The following PKP2 variants were observed in gnomAD, a reference collection of about 807,000 sequenced individuals.
PKP2 encodes the protein plakophilin-2.
A neutral mutation model predicts 83.4 loss-of-function variants in PKP2; 73 were observed. That is an observed-to-expected ratio of 0.88 (90% CI 0.72 to 1.06). The LOEUF is 1.06. PKP2 is among the 50% of genes least tolerant of loss of function. PKP2 has a pLI of 0.00. For synonymous variants in PKP2, 409 were observed against 430.4 expected, an observed-to-expected ratio of 0.95 and a Z score of 0.62; for missense variants, 966 against 1,065.4, an observed-to-expected ratio of 0.91 and a Z score of 1.30.
intron 9 of PKP2, among the ~76,000 whole-genome samples, chr12:32,807,760 A>T (rs1956239804): frequency 6.6e-6 from 1 of 152,166 alleles, no homozygotes. Context: ...TTGTCTGAAA[A>T]GGATCTTATT....
intron 11 of PKP2, among the ~76,000 whole-genome samples, chr12:32,794,398 C>T (rs573761795): frequency 2.3e-4 from 35 of 152,148 alleles, no homozygotes; most frequent in Non-Finnish European, 4.1e-4. Flanking sequence ...AGTCCACAAA[C>T]GGTAGGTCAG....
At chr12:32,795,000 A>C (rs1033362930) in intron 11 of PKP2, among the ~76,000 whole-genome samples, 3 of 152,236 alleles carry the variant, frequency 2.0e-5, no homozygotes, top group African/African-American at 7.2e-5. Context: ...AACTCATTAA[A>C]ACTAGGCTAT....
rs368870309 is a variant in PKP2, at chr12:32,868,481, TGCTGGGATTACA to T, written c.1170+434_1170+445del. Among the ~76,000 whole-genome samples, 203 of 152,214 alleles carry T rather than the reference TGCTGGGATTACA, an allele frequency of 1.3e-3. 1 individual carries two copies. Among genetic ancestry groups the T allele is most frequent in the African/African-American group, 4.5e-3 (185 of 41,544 alleles). On this transcript the variant is annotated intron_variant, in intron 4 of 12. Coordinates refer to ENST00000340811, the MANE Select transcript of PKP2 (RefSeq NM_001005242.3). ...ATCTGCCCACCTTGGCCTCCCAAAG[TGCTGGGATTACA>T]GGCGTGAGCCACTGCACCCGGTTGA...
At chr12:32,875,795 G>A (rs1207051757) in intron 3 of PKP2, among the ~76,000 whole-genome samples, 2 of 152,198 alleles carry the variant, frequency 1.3e-5, no homozygotes, top group African/African-American at 4.8e-5. Context: ...ACAGCAGGAG[G>A]AGATGGGTGG....
At chr12:32,802,661 C>G in intron 9 of PKP2, 105 bp from the exon 10 acceptor site, 1 of 1,018,628 alleles carries the variant, frequency 9.8e-7, no homozygotes, top group Non-Finnish European at 1.5e-6. Context: ...TTATTTTTAT[C>G]TTATTTATTT....
At chr12:32,844,967 G>A (rs752202922) in intron 5 of PKP2, among the ~76,000 whole-genome samples, 4 of 152,212 alleles carry the variant, frequency 2.6e-5, no homozygotes, top group Non-Finnish European at 5.9e-5. Context: ...TTACGGTTTG[G>A]GTTTTCATGT....
chr12:32,792,579 A>C, intron 12 of PKP2, 65 bp downstream of exon 12: 1 of 1,550,124 alleles, frequency 6.5e-7, no homozygotes, highest in Non-Finnish European at 8.9e-7. Context: ...TCCCAGGGTC[A>C]AGTCAAGTGG....
At chr12:32,831,445 A>G (rs1159203945) in intron 6 of PKP2, among the ~76,000 whole-genome samples, 1 of 152,242 alleles carries the variant, frequency 6.6e-6, no homozygotes, top group South Asian at 2.1e-4. Context: ...CTATACACAG[A>G]TATTTTTCTT....
chr12:32,792,517 T>G (rs775487092), intron 12 of PKP2, 25 bp from the exon 13 acceptor site: 1 of 1,606,822 alleles, frequency 6.2e-7, no homozygotes, highest in Non-Finnish European at 8.5e-7. Context: ...AACAGAAACG[T>G]GAAAGGTAAC....
intron 1 of PKP2, among the ~76,000 whole-genome samples, chr12:32,887,212 A>G (rs553896970): frequency 7.9e-5 from 12 of 152,302 alleles, no homozygotes; most frequent in African/African-American, 2.9e-4. Context: ...AAAACGTTGA[A>G]TATGCCAGGG....
chr12:32,802,568 G>C lies in PKP2; in HGVS notation c.2014-12C>G, dbSNP rs990954323. On this transcript the variant is annotated splice_polypyrimidine_tract_variant and intron_variant, in intron 9 of 12. Coordinates refer to ENST00000340811, the MANE Select transcript of PKP2 (RefSeq NM_001005242.3). ...ACTGATGTCGGCATCTGTTTTGTGA[G>C]ACATATCCTATAAGTGCTATTGTAT... 3.7e-6 allele frequency: 6 copies of C among 1,612,706 alleles called. No homozygotes were observed. The highest frequency in any genetic ancestry group is 5.1e-6 in the Non-Finnish European group (6 of 1,178,848).
At chr12:32,812,118 T>G (rs1956282679) in intron 9 of PKP2, among the ~76,000 whole-genome samples, 1 of 151,152 alleles carries the variant, frequency 6.6e-6, no homozygotes, top group African/African-American at 2.4e-5. Flanking sequence ...GAGGGTTTTT[T>G]TTTTTTTTTT....
At chr12:32,864,309 TAC>T (rs35886681) in intron 4 of PKP2, among the ~76,000 whole-genome samples, 87,426 of 145,656 alleles carry the variant, frequency 0.6, 26,727 homozygotes, top group East Asian at 0.84. Flanking sequence ...ACTATACACA[TAC>T]ACACACACAC....
intron 9 of PKP2, chr12:32,820,902 G>A (rs1036248481): frequency 5.1e-6 from 1 of 197,018 alleles, no homozygotes; most frequent in African/African-American, 2.4e-5. Context: ...GACACATTGG[G>A]CTGATAAAAC....
rs980584492 is a variant in PKP2, at chr12:32,791,526, T to C, written c.*898A>G. On this transcript the variant is annotated 3_prime_UTR_variant, in exon 13 of 13. Transcript: ENST00000340811. ...GCAGATAAAGATAGAGTCCATTCTT[T>C]CACTAGTCCAGGGCAGTGGCCAAAA... 1.3e-5 allele frequency: 2 copies of C among 152,204 alleles called. No individual in the cohort carries two copies. The highest frequency in any genetic ancestry group is 2.9e-5 in the Non-Finnish European group (2 of 68,048). The allele number at this position is 152,204 out of a possible 1,614,324, so 9.4% of individuals were successfully genotyped here.
At chr12:32,825,019 AT>A (rs1020875410) in intron 6 of PKP2, among the ~76,000 whole-genome samples, 6 of 151,394 alleles carry the variant, frequency 4.0e-5, no homozygotes, top group African/African-American at 1.5e-4. Flanking sequence ...TTAAAAAAAT[AT>A]TTTTTTTTCC....
intron 4 of PKP2, among the ~76,000 whole-genome samples, chr12:32,862,282 T>G (rs1340860087): frequency 6.6e-6 from 1 of 152,230 alleles, no homozygotes; most frequent in Non-Finnish European, 1.5e-5. Context: ...GATGAAATTC[T>G]TTTTCAGACA....
At chr12:32,852,541 C>T (rs901295908) in intron 4 of PKP2, among the ~76,000 whole-genome samples, 1 of 152,238 alleles carries the variant, frequency 6.6e-6, no homozygotes, top group Non-Finnish European at 1.5e-5. Flanking sequence ...CTCCCTCCTA[C>T]TTCTAACATT....
At chr12:32,860,755 C>G (rs1281953678) in intron 4 of PKP2, among the ~76,000 whole-genome samples, 1 of 152,008 alleles carries the variant, frequency 6.6e-6, no homozygotes, top group African/African-American at 2.4e-5. Context: ...TTGGTCTGGG[C>G]GCGGTGGTGC....
Sources: allele counts gnomAD v4.1 joint callset (sites outside exome capture counted in the v4.1 genomes callset), GRCh38; gene constraint gnomAD v4.1.1; transcripts MANE v1.5; gene names NCBI Gene and HGNC (gene_info 2026-07-23, HGNC 2026-07-21).